Variants in CNTLN observed in about 807,000 individuals in gnomAD.
The protein encoded by CNTLN is centlein.
In CNTLN, 212 loss-of-function variants were observed where a neutral mutation model predicts 180.0. The observed-to-expected ratio is 1.18, with a 90% CI of 1.05 to 1.32. The LOEUF is 1.32. Ranked by LOEUF, CNTLN falls within the 40% of genes most tolerant of loss-of-function variation. CNTLN has a pLI of 0.00. For missense variants in CNTLN, 2,095 were observed against 1,610.9 expected (o/e 1.30, Z -5.14); for synonymous variants, 722 against 563.1 (o/e 1.28, Z -3.99).
chr9:17,363,905 T>G (rs1405252132), intron 12 of CNTLN, among the ~76,000 whole-genome samples: 3 of 152,168 alleles, frequency 2.0e-5, no homozygotes, highest in East Asian at 1.9e-4. Context: ...GATCTATGAG[T>G]AGTAAACTTT....
intron 15 of CNTLN, among the ~76,000 whole-genome samples, chr9:17,397,093 C>G (rs189763704): frequency 1.3e-5 from 2 of 152,256 alleles, no homozygotes; most frequent in Non-Finnish European, 2.9e-5. Context: ...AAAGTGGTGC[C>G]ATTTACTTAT....
intron 15 of CNTLN, among the ~76,000 whole-genome samples, chr9:17,402,392 A>G (rs1443674052): frequency 6.6e-6 from 1 of 151,794 alleles, no homozygotes; most frequent in Non-Finnish European, 1.5e-5. Flanking sequence ...GAAAAGAAAA[A>G]TACAGTTCTT....
chr9:17,266,456 C>A (rs202132901), intron 5 of CNTLN, among the ~76,000 whole-genome samples: 81 of 151,894 alleles, frequency 5.3e-4, no homozygotes, highest in Non-Finnish European at 1.0e-3. Context: ...CTTTGCTTCC[C>A]AGTATGTGGT....
chr9:17,515,232 T>C, the CNTLN span, among the ~76,000 whole-genome samples: 2 of 152,170 alleles, frequency 1.3e-5, no homozygotes, highest in East Asian at 3.9e-4. Flanking sequence ...CCCCACTCTT[T>C]CATGAATCTT....
chr9:17,398,881 C>T (rs1168959885), intron 15 of CNTLN, among the ~76,000 whole-genome samples: 2 of 152,172 alleles, frequency 1.3e-5, no homozygotes, highest in African/African-American at 4.8e-5. Context: ...TCTTATCTCC[C>T]GCTAAAAGCA....
intron 12 of CNTLN, among the ~76,000 whole-genome samples, chr9:17,362,487 A>G (rs369664845): frequency 1.5e-4 from 21 of 142,928 alleles, no homozygotes; most frequent in African/African-American, 5.2e-4. Flanking sequence ...AAATGAGAGT[A>G]TACATATCAA....
intron 2 of CNTLN, among the ~76,000 whole-genome samples, chr9:17,144,033 A>G (rs565240670): frequency 3.2e-4 from 48 of 152,330 alleles, no homozygotes; most frequent in African/African-American, 1.1e-3. Context: ...ATTTCATTAT[A>G]CTTTTTAAAT....
At chr9:17,414,107 G>T (rs547327124) in intron 16 of CNTLN, among the ~76,000 whole-genome samples, 8 of 149,276 alleles carry the variant, frequency 5.4e-5, no homozygotes, top group African/African-American at 1.9e-4. Context: ...TGTGAACTAG[G>T]CTTTCTTTCT....
Position 17,306,558 on chromosome 9 carries a change from G to A in CNTLN, c.1147-2500G>A, listed in dbSNP as rs138248334. ...TAAAGCCTTATATTTGTGGAAGAAGGTCCCAAGATGTGACACCCAAGAGTA... is the reference window on the plus strand; with the variant it reads ...TAAAGCCTTATATTTGTGGAAGAAGATCCCAAGATGTGACACCCAAGAGTA... On this transcript the variant is annotated intron_variant, in intron 7 of 25. Coordinates refer to ENST00000380647, the MANE Select transcript of CNTLN (RefSeq NM_017738.4). Among the ~76,000 whole-genome samples, 756 of 152,288 alleles carry A rather than the reference G, an allele frequency of 5.0e-3. 4 individuals carry two copies. The highest frequency in any genetic ancestry group is 0.017 in the African/African-American group (704 of 41,564).
At chr9:17,487,172 T>C (rs774612674) in intron 25 of CNTLN, 106 bp downstream of exon 25, 1 of 748,932 alleles carries the variant, frequency 1.3e-6, no homozygotes, top group South Asian at 1.6e-5. Flanking sequence ...CATTGTTTAC[T>C]TCTGTTAGGT....
At chr9:17,433,617 T>G (rs111405027) in intron 18 of CNTLN, among the ~76,000 whole-genome samples, 1,505 of 45,460 alleles carry the variant, frequency 0.033, 30 homozygotes, top group African/African-American at 0.073. Context: ...TTTGTAGTGG[T>G]TTTTTTTTGT....
chr9:17,318,210 T>C (rs910891245), intron 8 of CNTLN, among the ~76,000 whole-genome samples: 1 of 151,858 alleles, frequency 6.6e-6, no homozygotes, highest in Non-Finnish European at 1.5e-5. Context: ...TTTGTATTTT[T>C]AGTAGAGATG....
chr9:17,259,209 C>G (rs568270265), intron 5 of CNTLN, among the ~76,000 whole-genome samples: 5 of 149,824 alleles, frequency 3.3e-5, no homozygotes, highest in Non-Finnish European at 7.4e-5. Context: ...GTACAAAGGC[C>G]TTTTCTGCAT....
intron 12 of CNTLN, among the ~76,000 whole-genome samples, chr9:17,351,411 T>G (rs1232301101): frequency 6.6e-6 from 1 of 152,228 alleles, no homozygotes; most frequent in Non-Finnish European, 1.5e-5. Flanking sequence ...CATCTCCTTT[T>G]GGAGGTCTCA....
intron 19 of CNTLN, among the ~76,000 whole-genome samples, chr9:17,461,477 C>T (rs1450348529): frequency 2.6e-5 from 4 of 151,388 alleles, no homozygotes; most frequent in African/African-American, 9.7e-5. Context: ...GTTGAGGTAG[C>T]TTTGGGTTTT....
chr9:17,314,684 A>G (rs1819426912), intron 8 of CNTLN, among the ~76,000 whole-genome samples: 1 of 152,254 alleles, frequency 6.6e-6, no homozygotes, highest in African/African-American at 2.4e-5. Flanking sequence ...GTAAAAATTC[A>G]TCAGAATGGG....
chr9:17,139,943 T>C (rs531632662), intron 1 of CNTLN, among the ~76,000 whole-genome samples: 2 of 152,278 alleles, frequency 1.3e-5, no homozygotes, highest in South Asian at 4.1e-4. Context: ...ACGTCTGGAC[T>C]TAAGCCATTT....
chr9:17,254,734 A>ATAT (rs1338866557), intron 5 of CNTLN, among the ~76,000 whole-genome samples: 8 of 109,682 alleles, frequency 7.3e-5, no homozygotes, highest in Non-Finnish European at 1.5e-4. Flanking sequence ...GAGTTCTCCA[A>ATAT]TATTGTTGTT....
chr9:17,145,381 C>T (rs993795416), intron 2 of CNTLN, among the ~76,000 whole-genome samples: 2 of 152,128 alleles, frequency 1.3e-5, no homozygotes, highest in Admixed American at 1.3e-4. Context: ...AGTATGTTCA[C>T]ATCCATTGAG....
Sources: gnomAD v4.1 joint callset for allele counts (sites outside exome capture counted in the v4.1 genomes callset) on GRCh38, gnomAD v4.1.1 for gene constraint, MANE v1.5 for transcripts, NCBI Gene and HGNC (gene_info 2026-07-23, HGNC 2026-07-21) for gene names.